The following SLX4 variants were observed in gnomAD, a reference collection of about 807,000 sequenced individuals.
SLX4 encodes the protein SLX4 structure-specific endonuclease subunit.
SLX4 carries 112 observed loss-of-function variants against 146.2 expected under a neutral mutation model. The ratio of observed to expected loss-of-function variants is 0.77; its 90% CI spans 0.66 to 0.90. The LOEUF (loss-of-function observed/expected upper bound fraction) is 0.90, where lower values mean the gene tolerates loss of function less well. Among genes scored for constraint, SLX4 ranks in the 40% least tolerant of loss-of-function variants. The pLI is 0.00. For synonymous variants in SLX4, 1,061 were observed against 997.7 expected (o/e 1.06, Z -1.20); for missense variants, 2,563 against 2,392.7 (o/e 1.07, Z -1.49).
At chr16:3,607,252 G>T (rs55768314) in intron 2 of SLX4, among the ~76,000 whole-genome samples, 10,288 of 152,180 alleles carry the variant, frequency 0.068, 367 homozygotes, top group Admixed American at 0.075. Context: ...CATCCGACTG[G>T]CAAAGAGCAC....
At chr16:3,591,873 G>A (rs2040598744) in intron 11 of SLX4, among the ~76,000 whole-genome samples, 1 of 152,080 alleles carries the variant, frequency 6.6e-6, no homozygotes, top group Non-Finnish European at 1.5e-5. Context: ...GGATAAAAAA[G>A]GTCATGCATG....
intron 10 of SLX4, among the ~76,000 whole-genome samples, 164 bp from the exon 11 acceptor site, chr16:3,593,029 G>A (rs2040611285): frequency 6.6e-6 from 1 of 152,036 alleles, no homozygotes; most frequent in African/African-American, 2.4e-5. Flanking sequence ...GTGTGATCAT[G>A]GCTTACTGCA....
At chr16:3,605,297 G>A (rs934724978) in intron 3 of SLX4, among the ~76,000 whole-genome samples, 1 of 152,060 alleles carries the variant, frequency 6.6e-6, no homozygotes, top group African/African-American at 2.4e-5. Flanking sequence ...CACTGTGTTA[G>A]CCAGGATGGT....
Position 3,582,955 on chromosome 16 carries a change from C to T in SLX4, c.5153+142G>A, listed in dbSNP as rs987927501. Reference sequence around the variant, plus strand: ...GGTCAGGGAACCAGCCCCCTAAACCCACCTGGTTTTCCCACAGGTCAAACC... The same window carrying T: ...GGTCAGGGAACCAGCCCCCTAAACCTACCTGGTTTTCCCACAGGTCAAACC... On this transcript the variant is annotated intron_variant, in intron 14 of 14. Transcript: ENST00000294008. 5 of 1,121,426 alleles carry T rather than the reference C, an allele frequency of 4.5e-6. No homozygotes were observed. The African/African-American group carries it at 6.1e-5, about 14-fold the overall frequency. 69.5% of individuals were successfully genotyped at this position (1,121,426 alleles called of 1,614,324 possible). A position where few individuals can be genotyped will look rare whatever the true frequency, so the allele number is the denominator to read the frequency against.
rs1489386420 is a variant in SLX4 at position 3,597,372 on chromosome 16, G to A, written c.1683+7C>T. The A allele has an allele frequency of 9.7e-6, 15 of 1,545,704 alleles. No individual in the cohort carries two copies. In the East Asian group the frequency reaches 3.3e-4, roughly 34 times the overall value. ...GCCTATCCATGTGCCTGAGGGGAGG[G>A]ACTCACCTGGGCAGGCCGCTGGGGC... On this transcript the variant is annotated splice_region_variant and intron_variant, in intron 7 of 14. Transcript: ENST00000294008. The surrounding 1 kb of genome is among the most constrained non-coding windows in gnomAD (Gnocchi z 4.4).
rs2040557617 is a variant in SLX4, at chr16:3,589,751, A to G, written c.3887T>C (p.Val1296Ala). Residue 1296 changes from valine (V) to alanine (A), a missense_variant, in exon 12 of 15, where the codon GTA (valine) becomes GCA (alanine). Val to Ala is a moderately conservative substitution (Grantham distance 64). Transcript: ENST00000294008. The surrounding 1 kb of genome is among the most constrained non-coding windows in gnomAD (Gnocchi z 6.2). ...GACTTCGTTCCCTTCCCTGTTTCCTACTGAGGCCCTGGGCGTGTGCTGAGT... is the reference window on the plus strand; with the variant it reads ...GACTTCGTTCCCTTCCCTGTTTCCTGCTGAGGCCCTGGGCGTGTGCTGAGT... ...AVTQHTPRAS[V>A]GNREGNEVAQ... The G allele has an allele frequency of 1.9e-6, 3 of 1,613,574 alleles. No individual in the cohort carries two copies. The highest frequency in any genetic ancestry group is 2.5e-6 in the Non-Finnish European group (3 of 1,180,012).
In SLX4 at chr16:3,597,459, C is replaced by T. The variant is rs776394340; in HGVS notation, c.1603G>A (p.Ala535Thr). The T allele has an allele frequency of 2.5e-5, 41 of 1,613,050 alleles. No homozygotes were observed. Among genetic ancestry groups the T allele is most frequent in the East Asian group, 1.6e-4 (7 of 44,860 alleles). ...TCCATGGCCCAGGCCCCAGTCAGTG[C>T]GCTGCCCTCCCACAGAAAGCTCTGC... Reference protein sequence around the residue: ...RKQSFLWEGSALTGAWAMEDF... With the variant: ...RKQSFLWEGSTLTGAWAMEDF... The change falls in exon 7 of 15, where the codon GCA becomes ACA. Residue 535 changes from alanine (A) to threonine (T), a missense_variant. By Grantham distance (58) the Ala-to-Thr change is moderately conservative (BLOSUM62 0). Transcript: ENST00000294008. The surrounding 1 kb of genome is among the most constrained non-coding windows in gnomAD (Gnocchi z 4.4).
chr16:3,595,737 C>G (rs1224977257), intron 8 of SLX4, 44 bp from the exon 9 acceptor site: 4 of 1,602,172 alleles, frequency 2.5e-6, no homozygotes, highest in Non-Finnish European at 3.4e-6. Flanking sequence ...ACAGCCCAGC[C>G]ACATCCACCA....
chr16:3,608,347 T>G, intron 2 of SLX4, 83 bp downstream of exon 2: 1 of 1,400,036 alleles, frequency 7.1e-7, no homozygotes, highest in Non-Finnish European at 1.0e-6. Flanking sequence ...ACAGAGTCTG[T>G]GTGGCCTACA....
chr16:3,594,412 A>T (rs779843745), intron 10 of SLX4, 41 bp downstream of exon 10: 1 of 1,590,986 alleles, frequency 6.3e-7, no homozygotes, highest in Non-Finnish European at 8.6e-7. Flanking sequence ...GGAGAGAGGG[A>T]GAGAGAGGAA....
chr16:3,594,142 C>T (rs1185062999), intron 10 of SLX4, among the ~76,000 whole-genome samples: 1 of 152,206 alleles, frequency 6.6e-6, no homozygotes, highest in Non-Finnish European at 1.5e-5. Context: ...GCTGGAATTA[C>T]AGGCGTGAGC....
rs754977355 is a variant in SLX4 at position 3,608,959 on chromosome 16, T to C, written c.6A>G (p.Lys2=). 6.2e-7 allele frequency: 1 copy of C among 1,612,984 alleles called. No individual in the cohort carries two copies. Among genetic ancestry groups the C allele is most frequent in the South Asian group, 1.1e-5 (1 of 91,028 alleles). The change falls in exon 2 of 15, where the codon AAA becomes AAG. Residue 2 remains lysine, a synonymous_variant. Coordinates refer to ENST00000294008, the MANE Select transcript of SLX4 (RefSeq NM_032444.4). ...CTAGCTGAGCCTCATTCACACTCAGTTTCATTAGGGTTCTTCTCTACTTCT... is the reference window on the plus strand; with the variant it reads ...CTAGCTGAGCCTCATTCACACTCAGCTTCATTAGGGTTCTTCTCTACTTCT... M[K]LSVNEAQLGF...
At position 3,590,431 on chromosome 16, in the gene SLX4, G is replaced by A. The variant is rs760421115; in HGVS notation, c.3207C>T (p.Gly1069=). The A allele has an allele frequency of 1.2e-6, 2 of 1,614,192 alleles. No individual in the cohort carries two copies. Among genetic ancestry groups the A allele is most frequent in the Non-Finnish European group, 1.7e-6 (2 of 1,180,018 alleles). The stretch of plus-strand genomic sequence containing the variant: ...CAGCTGGAGACAGCAAGGTTGGGGA[G>A]CCCACCTGGGAAGTTCCGCCACGGG... The part of the protein sequence containing the change: ...PRSRGGTSQV[G]SPTLLSPAVP... Residue 1069 remains glycine, a synonymous_variant, in exon 12 of 15, where the codon GGC becomes GGT. Coordinates refer to ENST00000294008, the MANE Select transcript of SLX4 (RefSeq NM_032444.4). This position sits in a 1 kb window ranked among gnomAD's most constrained non-coding sequence, Gnocchi z 4.8.
rs1045538892 is a variant in SLX4, at chr16:3,582,253, G to T, written c.*89C>A. 12 of 1,179,992 alleles carry T rather than the reference G, an allele frequency of 1.0e-5. No individual in the cohort carries two copies. The African/African-American group carries it at 1.8e-4, about 18-fold the overall frequency. The allele number at this position is 1,179,992 out of a possible 1,614,324, so 73.1% of individuals were successfully genotyped here. A position where few individuals can be genotyped will look rare whatever the true frequency, so the allele number is the denominator to read the frequency against. On this transcript the variant is annotated 3_prime_UTR_variant, in exon 15 of 15. Coordinates refer to ENST00000294008, the MANE Select transcript of SLX4 (RefSeq NM_032444.4). The stretch of plus-strand genomic sequence containing the variant: ...GGCCCAGAAATGCCTGTGGAGGCCT[G>T]ACCCACGCTGGGTGTCCCAGGTCCT...
intron 3 of SLX4, 47 bp from the exon 4 acceptor site, chr16:3,602,354 G>T (rs200625904): frequency 1.2e-6 from 2 of 1,604,052 alleles, no homozygotes; most frequent in Non-Finnish European, 1.7e-6. Context: ...CCAAAGACAA[G>T]CTCACCCTCA....
Position 3,590,645 on chromosome 16 carries a change from G to A in SLX4, c.2993C>T (p.Ser998Phe), listed in dbSNP as rs762531905. ...SSTQGEISEP[S>F]QITSEPEEQS... The stretch of plus-strand genomic sequence containing the variant: ...TTCCTCGGGCTCACTTGTTATTTGG[G>A]ACGGCTCTGAGATCTCTCCCTGAGT... The change falls in exon 12 of 15, where the codon TCC becomes TTC. Residue 998 changes from serine to phenylalanine, a missense_variant. Physicochemically the swap from Ser to Phe is radical, Grantham distance 155. Coordinates refer to ENST00000294008, the MANE Select transcript of SLX4 (RefSeq NM_032444.4). The surrounding 1 kb of genome is among the most constrained non-coding windows in gnomAD (Gnocchi z 4.8). The A allele has an allele frequency of 1.2e-6, 2 of 1,614,168 alleles. No individual in the cohort carries two copies. The highest frequency in any genetic ancestry group is 1.3e-5 in the African/African-American group (1 of 75,062).
chr16:3,584,731 A>C (rs764177880), intron 13 of SLX4, 38 bp downstream of exon 13: 4 of 1,506,080 alleles, frequency 2.7e-6, no homozygotes, highest in Non-Finnish European at 3.7e-6. Context: ...TGGGAGGGAA[A>C]AGACCACTGT....
intron 5 of SLX4, among the ~76,000 whole-genome samples, chr16:3,598,332 G>C (rs1221575743): frequency 2.0e-5 from 3 of 152,176 alleles, no homozygotes; most frequent in South Asian, 2.1e-4. Context: ...CTCTGAGCAG[G>C]CTCCCTGGAC....
rs1451828066 is a variant in SLX4, at chr16:3,589,218, C to T, written c.4420G>A (p.Asp1474Asn). 3 of 1,611,996 alleles carry T rather than the reference C, an allele frequency of 1.9e-6. No homozygotes were observed. In the South Asian group the frequency reaches 3.3e-5, roughly 18 times the overall value. Residue 1474 changes from aspartate (D) to asparagine (N), a missense_variant, in exon 12 of 15, where the codon GAC becomes AAC. Transcript: ENST00000294008. The surrounding 1 kb of genome is among the most constrained non-coding windows in gnomAD (Gnocchi z 6.2). ...CAGCTTCCTCGGATGGGGGTGGTGT[C>T]CAGGAGTCCCGGGGAGCGACAGTCA... ...SRDCRSPGLL[D>N]TTPIRGSCTT...
Sources: gnomAD v4.1 joint callset for allele counts (sites outside exome capture counted in the v4.1 genomes callset) on GRCh38, gnomAD v4.1.1 for gene constraint, Gnocchi (gnomAD v3.1) non-coding constraint, MANE v1.5 for transcripts, NCBI Gene and HGNC (gene_info 2026-07-23, HGNC 2026-07-21) for gene names.